GRM4: variants seen among roughly 807,000 people sequenced by gnomAD.
GRM4 encodes the protein metabotropic glutamate receptor 4.
A neutral mutation model predicts 81.7 loss-of-function variants in GRM4; 28 were observed. That is an observed-to-expected ratio of 0.34 (90% confidence interval 0.25 to 0.47). GRM4 has a LOEUF of 0.47. GRM4 is among the 20% of genes least tolerant of loss of function. GRM4 has a pLI of 1.00. For synonymous variants in GRM4, 488 were observed against 528.8 expected (o/e 0.92, Z 1.06); for missense variants, 948 against 1,290.0 (o/e 0.73, Z 4.06).
intron 3 of GRM4, chr6:34,063,162 G>T (rs926052402): frequency 6.6e-6 from 1 of 152,464 alleles, no homozygotes; most frequent in South Asian, 2.1e-4. Context: ...GCTGGGCACC[G>T]CTGGGCTTCC....
At chr6:34,046,892 C>T (rs1765389162) in intron 6 of GRM4, among the ~76,000 whole-genome samples, 1 of 152,156 alleles carries the variant, frequency 6.6e-6, no homozygotes. Flanking sequence ...CACCTACACC[C>T]GTTTTTGTCT....
At chr6:34,071,999 A>C (rs1319019294) in intron 3 of GRM4, among the ~76,000 whole-genome samples, 1 of 152,254 alleles carries the variant, frequency 6.6e-6, no homozygotes, top group Non-Finnish European at 1.5e-5. Context: ...CACCACAAAA[A>C]TACACACCAC....
chr6:34,153,941 A>AC (rs1771096338), intron 1 of GRM4, among the ~76,000 whole-genome samples: 3 of 149,818 alleles, frequency 2.0e-5, no homozygotes, highest in Admixed American at 6.6e-5. Flanking sequence ...AAAAAAAAAA[A>AC]AGTTGAAGCC....
At chr6:34,150,679 C>T (rs1013951372), upstream of GRM4, among the ~76,000 whole-genome samples, 10 of 152,152 alleles carry the variant, frequency 6.6e-5, no homozygotes, top group Non-Finnish European at 1.3e-4. Context: ...TTCCACTTCC[C>T]TTCCCCAGCC....
At chr6:34,073,114 CCA>C (rs1451946180) in intron 3 of GRM4, among the ~76,000 whole-genome samples, 4 of 102,254 alleles carry the variant, frequency 3.9e-5, no homozygotes, top group Admixed American at 2.9e-4. Flanking sequence ...ACACACATCA[CCA>C]CACAGATACA....
chr6:34,138,179 G>C (rs1039913057), intron 1 of GRM4, among the ~76,000 whole-genome samples: 4 of 152,300 alleles, frequency 2.6e-5, no homozygotes, highest in African/African-American at 9.6e-5. Flanking sequence ...CATTGCCAGA[G>C]TCCCTGGTTC....
At chr6:34,055,755 A>G (rs1475826563) in intron 6 of GRM4, 1 of 152,170 alleles carries the variant, frequency 6.6e-6, no homozygotes, top group Non-Finnish European at 1.5e-5. Context: ...ACCCAGGAGC[A>G]AGTCATGCTC....
At chr6:34,088,341 C>T (rs1440399742) in intron 3 of GRM4, among the ~76,000 whole-genome samples, 1 of 152,170 alleles carries the variant, frequency 6.6e-6, no homozygotes, top group Non-Finnish European at 1.5e-5. Flanking sequence ...CCAAGCTGGT[C>T]TCAAACTCCT....
intron 2 of GRM4, among the ~76,000 whole-genome samples, chr6:34,126,640 G>A (rs1770032377): frequency 6.6e-6 from 1 of 152,228 alleles, no homozygotes; most frequent in Admixed American, 6.5e-5. Context: ...CCAATGGTAA[G>A]GTAGGTCCAG....
At chr6:34,138,987 C>T (rs922987405) in intron 1 of GRM4, among the ~76,000 whole-genome samples, 4 of 152,264 alleles carry the variant, frequency 2.6e-5, no homozygotes, top group Non-Finnish European at 5.9e-5. Context: ...TATAAGGAGG[C>T]ATCTTGGAAC....
At chr6:34,040,993 T>C (rs1332148156) in intron 6 of GRM4, among the ~76,000 whole-genome samples, 3 of 152,204 alleles carry the variant, frequency 2.0e-5, no homozygotes, top group Admixed American at 6.5e-5. Context: ...CACTGATGCC[T>C]GTGCCACCCA....
intron 2 of GRM4, among the ~76,000 whole-genome samples, chr6:34,112,271 C>T (rs186678634): frequency 9.3e-4 from 141 of 152,340 alleles, no homozygotes; most frequent in African/African-American, 3.3e-3. Flanking sequence ...TCCTCTCCCC[C>T]GCCCCAGGGA....
chr6:34,031,113 G>C (rs1446314348), intron 9 of GRM4, among the ~76,000 whole-genome samples: 1 of 152,210 alleles, frequency 6.6e-6, no homozygotes, highest in African/African-American at 2.4e-5. Context: ...TGGTCCTCTA[G>C]ACCCCAGCAG....
At chr6:34,056,442 C>CCGACGACAGACAAAGGGAGACTCT (rs1765886015) in intron 6 of GRM4, 102 bp downstream of exon 6, 1 of 1,106,554 alleles carries the variant, frequency 9.0e-7, no homozygotes, top group Admixed American at 2.3e-5. Context: ...CCACGGCCGG[C>CCGACGACAGACAAAGGGAGACTCT]CGACGACAGA....
intron 3 of GRM4, among the ~76,000 whole-genome samples, chr6:34,087,144 C>A (rs984168336): frequency 6.7e-6 from 1 of 149,950 alleles, no homozygotes; most frequent in African/African-American, 2.5e-5. Context: ...AAAGGCCAGG[C>A]ATGGTGGCTC....
At chr6:34,094,357 A>G (rs1002272494) in intron 2 of GRM4, among the ~76,000 whole-genome samples, 2 of 152,166 alleles carry the variant, frequency 1.3e-5, no homozygotes, top group African/African-American at 4.8e-5. Context: ...ACTCGACTAT[A>G]CTGGAATCTA....
intron 6 of GRM4, 171 bp downstream of exon 6, chr6:34,056,373 A>C: frequency 8.3e-6 from 5 of 601,228 alleles, no homozygotes; most frequent in East Asian, 5.7e-5. Flanking sequence ...CCCGCCCCTC[A>C]AGGCCCCGCC....
At chr6:34,049,775 C>T (rs933281414) in intron 6 of GRM4, among the ~76,000 whole-genome samples, 1 of 152,100 alleles carries the variant, frequency 6.6e-6, no homozygotes, top group African/African-American at 2.4e-5. Context: ...ATAAACACCA[C>T]GGCCACACTG....
chr6:34,025,076 G>A (rs80020587), intron 10 of GRM4, among the ~76,000 whole-genome samples: 1 of 152,124 alleles, frequency 6.6e-6, no homozygotes, highest in East Asian at 1.9e-4. Context: ...GTTGCTGGGA[G>A]GCCTCACACT....
Sources: allele counts gnomAD v4.1 joint callset (sites outside exome capture counted in the v4.1 genomes callset), GRCh38; gene constraint gnomAD v4.1.1; transcripts MANE v1.5; gene names NCBI Gene and HGNC (gene_info 2026-07-23, HGNC 2026-07-21).